FARP1: variants seen among roughly 807,000 people sequenced by gnomAD.
The protein encoded by FARP1 is FERM, ARHGEF and pleckstrin domain-containing protein 1.
A neutral mutation model predicts 128.8 loss-of-function variants in FARP1; 52 were observed. The observed-to-expected ratio is 0.40, with a 90% CI of 0.32 to 0.51. The LOEUF (loss-of-function observed/expected upper bound fraction) is 0.51. Among genes scored for constraint, FARP1 ranks in the 20% least tolerant of loss-of-function variants. The pLI is 0.45. For synonymous variants in FARP1, 580 were observed against 551.8 expected (o/e 1.05, Z -0.72); for missense variants, 1,333 against 1,367.9 (o/e 0.97, Z 0.40).
chr13:98,193,595 T>C (rs1397913192), intron 1 of FARP1, among the ~76,000 whole-genome samples: 1 of 152,234 alleles, frequency 6.6e-6, no homozygotes, highest in Non-Finnish European at 1.5e-5. Context: ...TTCTGGTAAG[T>C]TTCTGGAGAC....
chr13:98,190,827 A>G (rs1879181540), intron 1 of FARP1, among the ~76,000 whole-genome samples: 1 of 150,976 alleles, frequency 6.6e-6, no homozygotes, highest in Non-Finnish European at 1.5e-5. Flanking sequence ...GATTACAGGC[A>G]TGAGCCAACA....
chr13:98,244,701 C>A (rs1882967019), intron 2 of FARP1: 2 of 1,613,298 alleles, frequency 1.2e-6, no homozygotes, highest in Non-Finnish European at 1.7e-6. Context: ...GCTTCTTAAT[C>A]TTTTTTGAGT....
intron 2 of FARP1, among the ~76,000 whole-genome samples, chr13:98,288,386 C>A (rs1027127486): frequency 2.6e-5 from 4 of 152,182 alleles, no homozygotes; most frequent in African/African-American, 9.7e-5. Flanking sequence ...TCTCCACGCT[C>A]CCGCCCCATG....
chr13:98,409,254 GA>G, intron 13 of FARP1, 83 bp from the exon 14 acceptor site: 6 of 1,101,026 alleles, frequency 5.4e-6, no homozygotes, highest in Non-Finnish European at 7.7e-6. Context: ...CTTACGATTT[GA>G]AAAAGGTGAA....
At chr13:98,366,823 T>C (rs1238289743) in intron 4 of FARP1, among the ~76,000 whole-genome samples, 1 of 152,246 alleles carries the variant, frequency 6.6e-6, no homozygotes, top group Non-Finnish European at 1.5e-5. Flanking sequence ...TTAATTTTAA[T>C]GCCTTGTTTT....
chr13:98,372,239 A>C (rs1889374637), intron 5 of FARP1, among the ~76,000 whole-genome samples: 1 of 152,028 alleles, frequency 6.6e-6, no homozygotes, highest in African/African-American at 2.4e-5. Context: ...GGCACGTGCC[A>C]CCACACCCAG....
chr13:98,430,137 C>T (rs1393808838), intron 17 of FARP1, among the ~76,000 whole-genome samples: 5 of 151,828 alleles, frequency 3.3e-5, no homozygotes, highest in African/African-American at 7.3e-5. Context: ...GCCTGCAGTC[C>T]CAGCTGCTCG....
Position 98,440,226 on chromosome 13 carries a change from C to T in FARP1, c.2620C>T (p.Pro874Ser). ...PAPEFLASSP[P>S]DNKSPDEATA... ...CCCTGAGTTCCTGGCCAGCAGCCCC[C>T]CTGACAACAGTGAGTGTGGCCAGGG... The change falls in exon 23 of 27, where the codon CCT becomes TCT. Residue 874 changes from proline to serine, a missense_variant. Pro to Ser is a moderately conservative substitution (Grantham distance 74, BLOSUM62 -1). Around this residue, in one of 2 missense-constraint regions of FARP1, gnomAD observed 1,009 missense variants for 969.8 expected, o/e 1.04. Coordinates refer to ENST00000319562, the MANE Select transcript of FARP1 (RefSeq NM_005766.4). 6.2e-7 allele frequency: 1 copy of T among 1,612,916 alleles called. No individual in the cohort carries two copies. Among genetic ancestry groups the T allele is most frequent in the South Asian group, 1.1e-5 (1 of 91,062 alleles).
At chr13:98,345,757 G>T (rs1400275077) in intron 3 of FARP1, 1 of 152,224 alleles carries the variant, frequency 6.6e-6, no homozygotes, top group African/African-American at 2.4e-5. Flanking sequence ...GGGCCAGAGA[G>T]TACTGTAGGC....
intron 2 of FARP1, among the ~76,000 whole-genome samples, chr13:98,221,296 A>T (rs1461765591): frequency 6.6e-6 from 1 of 152,186 alleles, no homozygotes; most frequent in Admixed American, 6.5e-5. Flanking sequence ...TTCAATGTAG[A>T]GCTGTTGGCT....
chr13:98,391,314 T>C (rs750790181), intron 11 of FARP1, among the ~76,000 whole-genome samples: 10 of 152,218 alleles, frequency 6.6e-5, no homozygotes, highest in Non-Finnish European at 1.5e-4. Flanking sequence ...GGTCTTGCTC[T>C]GTTGCCCAGG....
intron 19 of FARP1, among the ~76,000 whole-genome samples, chr13:98,438,439 C>T (rs188880373): frequency 0.018 from 2,691 of 152,228 alleles, 40 homozygotes; most frequent in Non-Finnish European, 0.028. Flanking sequence ...ACACATGGTC[C>T]TCAGAGAGGC....
chr13:98,227,004 G>A (rs565416820), intron 2 of FARP1, among the ~76,000 whole-genome samples: 8 of 151,878 alleles, frequency 5.3e-5, no homozygotes, highest in Admixed American at 3.3e-4. Flanking sequence ...GCAGTGGCAC[G>A]ATCTCGGCTC....
intron 1 of FARP1, among the ~76,000 whole-genome samples, chr13:98,162,081 C>A (rs1312356791): frequency 6.6e-6 from 1 of 152,170 alleles, no homozygotes; most frequent in African/African-American, 2.4e-5. Context: ...CCTGGCTCTT[C>A]CTGTCTCTTT....
At chr13:98,300,852 C>T (rs374815380) in intron 2 of FARP1, among the ~76,000 whole-genome samples, 9 of 137,026 alleles carry the variant, frequency 6.6e-5, no homozygotes, top group Admixed American at 5.3e-4. Context: ...GTGCTGCTGC[C>T]GACTTGGGGG....
chr13:98,186,991 CAAAAAAA>C (rs33992037), intron 1 of FARP1, among the ~76,000 whole-genome samples: 22 of 47,830 alleles, frequency 4.6e-4, no homozygotes, highest in Admixed American at 4.3e-3. Context: ...GATTCTGTCT[CAAAAAAA>C]AAAAAAAAAA....
intron 2 of FARP1, among the ~76,000 whole-genome samples, chr13:98,224,762 C>T (rs1222236213): frequency 8.5e-5 from 13 of 152,056 alleles, no homozygotes; most frequent in Non-Finnish European, 1.8e-4. Flanking sequence ...AGAGCCAGGG[C>T]ACCCTCTGTG....
chr13:98,327,922 C>T (rs1416428721), intron 2 of FARP1, among the ~76,000 whole-genome samples: 1 of 148,966 alleles, frequency 6.7e-6, no homozygotes, highest in Admixed American at 6.6e-5. Context: ...GGGTAATAGG[C>T]ATATTCAATA....
intron 1 of FARP1, among the ~76,000 whole-genome samples, chr13:98,152,478 A>G (rs1280913630): frequency 2.0e-5 from 3 of 152,210 alleles, no homozygotes; most frequent in Non-Finnish European, 4.4e-5. Flanking sequence ...TGTTTTTACT[A>G]GACCTGAAGC....
Sources: allele counts gnomAD v4.1 joint callset (sites outside exome capture counted in the v4.1 genomes callset), GRCh38; gene constraint gnomAD v4.1.1; regional missense constraint gnomAD v4.1.1; transcripts MANE v1.5; gene names NCBI Gene and HGNC (gene_info 2026-07-23, HGNC 2026-07-21).